The following CSNK1E variants were observed in gnomAD, a reference collection of about 807,000 sequenced individuals.
The protein encoded by CSNK1E is casein kinase I isoform epsilon.
In CSNK1E, 17 loss-of-function variants were observed where a neutral mutation model predicts 46.1. That is an observed-to-expected ratio of 0.37 (90% CI 0.25 to 0.55). The LOEUF (loss-of-function observed/expected upper bound fraction) is 0.55, where lower values mean the gene tolerates loss of function less well. Among genes scored for constraint, CSNK1E ranks in the 20% least tolerant of loss-of-function variants. CSNK1E has a pLI of 0.82. For missense variants in CSNK1E, 386 were observed against 595.4 expected (o/e 0.65, Z 3.66); for synonymous variants, 241 against 242.6 (o/e 0.99, Z 0.06).
chr22:38,297,572 G>A (rs1422842785), intron 7 of CSNK1E: 1 of 1,002,160 alleles, frequency 1.0e-6, no homozygotes, highest in African/African-American at 1.7e-5. Context: ...GGGTGGCTGA[G>A]GGCCCTGCCA....
chr22:38,316,137 T>C (rs996945760), intron 1 of CSNK1E, among the ~76,000 whole-genome samples: 4 of 151,462 alleles, frequency 2.6e-5, no homozygotes, highest in Non-Finnish European at 4.4e-5. Flanking sequence ...GGGGGAAAAG[T>C]GGATATAAAG....
At position 38,298,786 on chromosome 22, in the gene CSNK1E, G is replaced by A. The variant is rs780280579; in HGVS notation, c.885C>T (p.Phe295=). The A allele has an allele frequency of 2.1e-5, 34 of 1,613,928 alleles. No homozygotes were observed. Among genetic ancestry groups the A allele is most frequent in the African/African-American group, 2.7e-5 (2 of 74,940 alleles). ...CCGCCTTGGCCTCCAGGTGACTCACGAATTTCAGCATGTTCCAGTCAAAGA... is the reference window on the plus strand; with the variant it reads ...CCGCCTTGGCCTCCAGGTGACTCACAAATTTCAGCATGTTCCAGTCAAAGA... ...DYVFDWNMLK[F]GAARNPEDVD... Residue 295 remains phenylalanine (F), a splice_region_variant and synonymous_variant, in exon 7 of 11, where the codon TTC becomes TTT. Transcript: ENST00000396832. The surrounding 1 kb of genome is among the most constrained non-coding windows in gnomAD (Gnocchi z 4.2).
At chr22:38,306,404 TATTC>T (rs1206899134) in intron 2 of CSNK1E, among the ~76,000 whole-genome samples, 1 of 152,232 alleles carries the variant, frequency 6.6e-6, no homozygotes, top group Non-Finnish European at 1.5e-5. Flanking sequence ...GTTTTTAGTA[TATTC>T]ACAAGCTTGC....
At chr22:38,308,630 A>G (rs181736921) in intron 2 of CSNK1E, among the ~76,000 whole-genome samples, 1 of 152,236 alleles carries the variant, frequency 6.6e-6, no homozygotes, top group East Asian at 1.9e-4. Context: ...CACACAGTCA[A>G]TGCTCCATGA....
At position 38,303,095 on chromosome 22, in the gene CSNK1E, C is replaced by T. The variant is rs1169097621; in HGVS notation, c.187+43G>A. The T allele has an allele frequency of 6.3e-7, 1 of 1,595,268 alleles. No homozygotes were observed. The highest frequency in any genetic ancestry group is 8.5e-7 in the Non-Finnish European group (1 of 1,170,696). Reference sequence around the variant, plus strand: ...CCCACCCTGTGCTCATGGCTGCCCACCGCCACCCACCCGGCGCCCGCCGCC... The same window carrying T: ...CCCACCCTGTGCTCATGGCTGCCCATCGCCACCCACCCGGCGCCCGCCGCC... On this transcript the variant is annotated intron_variant, in intron 3 of 10. Transcript: ENST00000396832. The surrounding 1 kb of genome is among the most constrained non-coding windows in gnomAD (Gnocchi z 4.7).
chr22:38,302,508 G>C (rs2092678007), intron 4 of CSNK1E, among the ~76,000 whole-genome samples: 2 of 152,164 alleles, frequency 1.3e-5, no homozygotes, highest in African/African-American at 4.8e-5. Context: ...ACTTTGAGAG[G>C]CTAAGATGGG....
chr22:38,293,102 A>G (rs959671517), intron 10 of CSNK1E, 153 bp downstream of exon 10: 2 of 675,396 alleles, frequency 3.0e-6, no homozygotes, highest in Admixed American at 2.4e-5. Context: ...GAGGTTTTAA[A>G]CTACTTGAGG....
chr22:38,310,123 C>G (rs1057223445), intron 2 of CSNK1E, among the ~76,000 whole-genome samples: 1 of 152,206 alleles, frequency 6.6e-6, no homozygotes, highest in Admixed American at 6.5e-5. Context: ...CACTCAAACT[C>G]CAGGTGAGGC....
At chr22:38,315,901 G>A (rs551077095) in intron 1 of CSNK1E, among the ~76,000 whole-genome samples, 2 of 152,164 alleles carry the variant, frequency 1.3e-5, no homozygotes, top group South Asian at 2.1e-4. Flanking sequence ...GCGGGAAGGG[G>A]CAAGCCCTTC....
Position 38,303,258 on chromosome 22 carries a change from G to A in CSNK1E, c.77-10C>T, listed in dbSNP as rs781764829. 6.3e-7 allele frequency: 1 copy of A among 1,589,686 alleles called. No homozygotes were observed. Among genetic ancestry groups the A allele is most frequent in the Admixed American group, 1.7e-5 (1 of 57,594 alleles). On this transcript the variant is annotated splice_polypyrimidine_tract_variant and intron_variant, in intron 2 of 10. Transcript: ENST00000396832. The surrounding 1 kb of genome is among the most constrained non-coding windows in gnomAD (Gnocchi z 4.7). ...GAGGCGATGTTGGCACCTGCCCGGG[G>A]CAGGGAGGCAAGGGACCAGGGTCAC...
chr22:38,315,783 G>C (rs374658226), intron 1 of CSNK1E, among the ~76,000 whole-genome samples: 4 of 151,990 alleles, frequency 2.6e-5, no homozygotes, highest in African/African-American at 9.7e-5. Context: ...AAATACCCAC[G>C]CCGGGTTATA....
At position 38,302,854 on chromosome 22, in the gene CSNK1E, G is replaced by T; in HGVS notation, c.336+7C>A. On this transcript the variant is annotated splice_region_variant and intron_variant, in intron 4 of 10. Coordinates refer to ENST00000396832, the MANE Select transcript of CSNK1E (RefSeq NM_152221.3). ...TCTGGCTGGGGATGGAGGGGACGGGGACTCACCATCTGGTCGGCCAAGAGC... is the reference window on the plus strand; with the variant it reads ...TCTGGCTGGGGATGGAGGGGACGGGTACTCACCATCTGGTCGGCCAAGAGC... 1 of 1,614,032 alleles carries T rather than the reference G, an allele frequency of 6.2e-7. No homozygotes were observed. The highest frequency in any genetic ancestry group is 1.3e-5 in the African/African-American group (1 of 75,048).
chr22:38,296,406 G>C, intron 7 of CSNK1E: 1 of 1,417,818 alleles, frequency 7.1e-7, no homozygotes, highest in Non-Finnish European at 9.2e-7. Flanking sequence ...CCAGCACCCC[G>C]GTGCAGCCAA....
chr22:38,298,680 T>A lies in CSNK1E; in HGVS notation c.885+106A>T. On this transcript the variant is annotated intron_variant, in intron 7 of 10. Transcript: ENST00000396832. The surrounding 1 kb of genome is among the most constrained non-coding windows in gnomAD (Gnocchi z 4.2). ...TCAACCACACTGTCCAGCTCGTACCTCCCGTCTGTCGGGAGCCCCTCCCGC... is the reference window on the plus strand; with the variant it reads ...TCAACCACACTGTCCAGCTCGTACCACCCGTCTGTCGGGAGCCCCTCCCGC... 1 of 1,323,280 alleles carries A rather than the reference T, an allele frequency of 7.6e-7. No individual in the cohort carries two copies. The highest frequency in any genetic ancestry group is 1.1e-6 in the Non-Finnish European group (1 of 935,544). The allele number at this position is 1,323,280 out of a possible 1,614,324, so 82.0% of individuals were successfully genotyped here.
chr22:38,302,851 G>A lies in CSNK1E; in HGVS notation c.336+10C>T, dbSNP rs186918102. 4.7e-4 allele frequency: 766 copies of A among 1,613,808 alleles called. 6 individuals are homozygous for A. The African/African-American group carries it at 7.7e-3, about 16-fold the overall frequency. ...GCATCTGGCTGGGGATGGAGGGGAC[G>A]GGGACTCACCATCTGGTCGGCCAAG... On this transcript the variant is annotated intron_variant, in intron 4 of 10. Transcript: ENST00000396832.
intron 1 of CSNK1E, among the ~76,000 whole-genome samples, chr22:38,316,101 G>C (rs543243047): frequency 6.7e-6 from 1 of 149,052 alleles, no homozygotes; most frequent in African/African-American, 2.6e-5. Context: ...TTCTCCCATG[G>C]GGGAGGGGGG....
intron 4 of CSNK1E, among the ~76,000 whole-genome samples, chr22:38,301,407 T>TCA (rs887046315): frequency 6.6e-6 from 1 of 150,976 alleles, no homozygotes; most frequent in Non-Finnish European, 1.5e-5. Flanking sequence ...GATGCCAAAC[T>TCA]CAGACAGGCA....
chr22:38,314,240 C>G, intron 1 of CSNK1E, 71 bp from the exon 2 acceptor site: 1 of 1,196,368 alleles, frequency 8.4e-7, no homozygotes, highest in Non-Finnish European at 1.2e-6. Context: ...CCACCAAGGC[C>G]AGGCAGAGCC....
intron 2 of CSNK1E, among the ~76,000 whole-genome samples, chr22:38,306,881 CAAT>C (rs895817873): frequency 2.6e-5 from 4 of 152,154 alleles, no homozygotes; most frequent in African/African-American, 9.7e-5. Context: ...AACAACACAA[CAAT>C]AAGAAATAGG....
Sources: gnomAD v4.1 joint callset for allele counts (sites outside exome capture counted in the v4.1 genomes callset) on GRCh38, gnomAD v4.1.1 for gene constraint, Gnocchi (gnomAD v3.1) non-coding constraint, MANE v1.5 for transcripts, NCBI Gene and HGNC (gene_info 2026-07-23, HGNC 2026-07-21) for gene names.